ARHGAP24: variants seen among roughly 807,000 people sequenced by gnomAD.
ARHGAP24 encodes Rho GTPase activating protein 24, also known as rho GTPase-activating protein 24.
ARHGAP24 carries 50 observed loss-of-function variants against 76.4 expected under a neutral mutation model. That is an observed-to-expected ratio of 0.65 (90% CI 0.52 to 0.83). ARHGAP24 has a LOEUF of 0.83. Among genes scored for constraint, ARHGAP24 ranks in the 40% least tolerant of loss-of-function variants. ARHGAP24 has a pLI of 0.00. For synonymous variants in ARHGAP24, 345 were observed against 323.3 expected (o/e 1.07, Z -0.72); for missense variants, 930 against 914.2 (o/e 1.02, Z -0.22).
intron 5 of ARHGAP24, among the ~76,000 whole-genome samples, chr4:85,956,624 T>C (rs1282702237): frequency 1.3e-5 from 2 of 152,140 alleles, no homozygotes; most frequent in African/African-American, 4.8e-5. Flanking sequence ...CCGTGGGTCA[T>C]GGAAGAGAAC....
At chr4:85,743,656 C>G (rs977110333) in intron 3 of ARHGAP24, among the ~76,000 whole-genome samples, 8 of 152,024 alleles carry the variant, frequency 5.3e-5, no homozygotes, top group Non-Finnish European at 7.4e-5. Flanking sequence ...ACCAAAGTAA[C>G]AGTTCTCAAA....
intron 2 of ARHGAP24, among the ~76,000 whole-genome samples, chr4:85,661,885 T>C (rs1341692473): frequency 6.6e-6 from 1 of 152,182 alleles, no homozygotes; most frequent in Non-Finnish European, 1.5e-5. Context: ...CCATGGTGTA[T>C]ATGTGCCACA....
chr4:85,520,979 C>T (rs544994141), intron 1 of ARHGAP24, among the ~76,000 whole-genome samples: 1 of 152,108 alleles, frequency 6.6e-6, no homozygotes, highest in South Asian at 2.1e-4. Flanking sequence ...CTGAAAAAGT[C>T]TATGCCAAAT....
intron 3 of ARHGAP24, among the ~76,000 whole-genome samples, chr4:85,906,150 T>G (rs1017656963): frequency 2.0e-5 from 3 of 152,290 alleles, no homozygotes; most frequent in Admixed American, 6.5e-5. Context: ...AAACCTATGA[T>G]AAATATTTCA....
chr4:85,659,455 A>T (rs1302875758), intron 2 of ARHGAP24, among the ~76,000 whole-genome samples: 1 of 152,216 alleles, frequency 6.6e-6, no homozygotes, highest in African/African-American at 2.4e-5. Context: ...TTTCTATAAA[A>T]TGGAAATTGT....
intron 1 of ARHGAP24, among the ~76,000 whole-genome samples, chr4:85,497,540 G>A (rs866684878): frequency 1.3e-5 from 2 of 151,738 alleles, no homozygotes; most frequent in Admixed American, 6.6e-5. Flanking sequence ...ATGCAGCACC[G>A]GCCAGGCACA....
intron 1 of ARHGAP24, among the ~76,000 whole-genome samples, chr4:85,558,196 C>A (rs1455355475): frequency 6.6e-6 from 1 of 152,120 alleles, no homozygotes; most frequent in East Asian, 1.9e-4. Flanking sequence ...ATCCCTTTAG[C>A]AAAGGGATGG....
At chr4:85,761,923 A>C (rs868607610) in intron 3 of ARHGAP24, among the ~76,000 whole-genome samples, 11 of 152,344 alleles carry the variant, frequency 7.2e-5, no homozygotes, top group African/African-American at 2.6e-4. Context: ...GACTGAGTCC[A>C]TAGTAACCGC....
intron 2 of ARHGAP24, among the ~76,000 whole-genome samples, chr4:85,631,264 T>A (rs886117532): frequency 5.9e-5 from 9 of 152,134 alleles, no homozygotes; most frequent in African/African-American, 2.2e-4. Context: ...AATTTATATA[T>A]CTTTCTTAAT....
intron 3 of ARHGAP24, among the ~76,000 whole-genome samples, chr4:85,872,738 C>T (rs552571232): frequency 1.3e-5 from 2 of 150,112 alleles, no homozygotes; most frequent in South Asian, 4.3e-4. Context: ...GCTGGGATTA[C>T]AAGCATACAC....
At chr4:85,746,549 T>C (rs1275027145) in intron 3 of ARHGAP24, among the ~76,000 whole-genome samples, 1 of 152,210 alleles carries the variant, frequency 6.6e-6, no homozygotes, top group Admixed American at 6.5e-5. Context: ...TCTATTGTGA[T>C]GTCCTTGGAG....
chr4:85,837,496 G>A (rs547994438), intron 3 of ARHGAP24, among the ~76,000 whole-genome samples: 10 of 152,118 alleles, frequency 6.6e-5, no homozygotes, highest in African/African-American at 1.9e-4. Flanking sequence ...TGGAGTCTAT[G>A]TTACATGAAG....
chr4:85,514,058 T>C (rs566853548), intron 1 of ARHGAP24, among the ~76,000 whole-genome samples: 3 of 152,356 alleles, frequency 2.0e-5, no homozygotes, highest in South Asian at 4.1e-4. Flanking sequence ...CTTTGTGGAA[T>C]GACCCATTTA....
At chr4:85,772,447 G>A (rs1330226105) in intron 3 of ARHGAP24, among the ~76,000 whole-genome samples, 1 of 152,136 alleles carries the variant, frequency 6.6e-6, no homozygotes, top group Non-Finnish European at 1.5e-5. Flanking sequence ...AGCTGTATCT[G>A]CCCCTTTCTG....
chr4:85,816,952 C>T (rs754631689), intron 3 of ARHGAP24, among the ~76,000 whole-genome samples: 11 of 152,112 alleles, frequency 7.2e-5, no homozygotes, highest in Admixed American at 7.2e-4. Flanking sequence ...TGATAATAGA[C>T]ATTCTAATAT....
chr4:85,799,883 G>GA (rs1728508266), intron 3 of ARHGAP24, among the ~76,000 whole-genome samples: 1 of 152,082 alleles, frequency 6.6e-6, no homozygotes, highest in Non-Finnish European at 1.5e-5. Flanking sequence ...CTGATGATGA[G>GA]AAAACATCAG....
At position 85,856,333 on chromosome 4, in the gene ARHGAP24, T is replaced by A. The variant is rs2110169987; in HGVS notation, c.269-67315T>A. 3.3e-5 allele frequency among the ~76,000 whole-genome samples: 5 copies of A among 152,300 alleles called. 1 individual carries two copies. In the Middle Eastern group the frequency reaches 0.014, roughly 414 times the overall value. On this transcript the variant is annotated intron_variant, in intron 3 of 9. Coordinates refer to ENST00000395184, the MANE Select transcript of ARHGAP24 (RefSeq NM_001025616.3). Reference sequence around the variant, plus strand: ...AAAATTATGTATAAAAACATATAGATCTGAAAGGACATACACTAAGAACAT... The same window carrying A: ...AAAATTATGTATAAAAACATATAGAACTGAAAGGACATACACTAAGAACAT...
intron 1 of ARHGAP24, among the ~76,000 whole-genome samples, chr4:85,528,583 G>A (rs1725120008): frequency 6.6e-6 from 1 of 152,022 alleles, no homozygotes; most frequent in African/African-American, 2.4e-5. Flanking sequence ...TTCCTCATCT[G>A]TAAAATATGG....
intron 7 of ARHGAP24, 152 bp downstream of exon 7, chr4:85,975,113 G>A: frequency 1.4e-6 from 1 of 722,972 alleles, no homozygotes; most frequent in Non-Finnish European, 2.4e-6. Flanking sequence ...TGATCTCAGA[G>A]GCTTCTTTGA....
Sources: allele counts gnomAD v4.1 joint callset (sites outside exome capture counted in the v4.1 genomes callset), GRCh38; gene constraint gnomAD v4.1.1; transcripts MANE v1.5; gene names NCBI Gene and HGNC (gene_info 2026-07-23, HGNC 2026-07-21).